The following ADCY2 variants were observed in gnomAD, a reference collection of about 807,000 sequenced individuals.
ADCY2 encodes adenylate cyclase type 2.
A neutral mutation model predicts 125.2 loss-of-function variants in ADCY2; 31 were observed. The observed-to-expected ratio is 0.25, with a 90% CI of 0.19 to 0.33. The LOEUF (loss-of-function observed/expected upper bound fraction) is 0.33, where lower values mean the gene tolerates loss of function less well. Ranked by LOEUF, ADCY2 falls within the 10% of genes least tolerant of loss-of-function variation. The pLI, the probability that ADCY2 is intolerant of heterozygous loss-of-function variation, is 1.00. For missense variants in ADCY2, 904 were observed against 1,418.2 expected, an observed-to-expected ratio of 0.64 and a Z score of 5.82; for synonymous variants, 512 against 548.4, an observed-to-expected ratio of 0.93 and a Z score of 0.93.
chr5:7,780,862 G>A (rs1471384861), intron 18 of ADCY2, among the ~76,000 whole-genome samples: 1 of 152,110 alleles, frequency 6.6e-6, no homozygotes, highest in Non-Finnish European at 1.5e-5. Context: ...TCCCTCACCA[G>A]TACGTTGGGG....
At chr5:7,420,327 A>T (rs964167008) in intron 2 of ADCY2, among the ~76,000 whole-genome samples, 1 of 152,104 alleles carries the variant, frequency 6.6e-6, no homozygotes, top group Non-Finnish European at 1.5e-5. Flanking sequence ...GGCACGACTG[A>T]AGAGTGATGT....
intron 3 of ADCY2, among the ~76,000 whole-genome samples, chr5:7,564,865 A>G (rs929791280): frequency 2.6e-5 from 4 of 152,204 alleles, no homozygotes; most frequent in African/African-American, 9.6e-5. Flanking sequence ...ATAACAGCCT[A>G]ATGGTATACA....
intron 4 of ADCY2, among the ~76,000 whole-genome samples, chr5:7,664,021 A>G (rs1194251668): frequency 6.6e-6 from 1 of 152,174 alleles, no homozygotes; most frequent in Non-Finnish European, 1.5e-5. Flanking sequence ...TACCCTTTCC[A>G]TTCCTTTGAG....
intron 2 of ADCY2, among the ~76,000 whole-genome samples, chr5:7,425,048 TG>T (rs1740338321): frequency 6.6e-6 from 1 of 152,132 alleles, no homozygotes; most frequent in South Asian, 2.1e-4. Flanking sequence ...GTGCCAGCCA[TG>T]GGTCCTGTGA....
At chr5:7,703,603 T>A (rs1741162520) in intron 7 of ADCY2, among the ~76,000 whole-genome samples, 1 of 152,204 alleles carries the variant, frequency 6.6e-6, no homozygotes, top group Non-Finnish European at 1.5e-5. Context: ...TTCGTACCAG[T>A]ACCATGCTGT....
At chr5:7,719,840 A>G (rs1579353583) in intron 12 of ADCY2, among the ~76,000 whole-genome samples, 1 of 152,292 alleles carries the variant, frequency 6.6e-6, no homozygotes, top group East Asian at 1.9e-4. Context: ...TGGGGGACAC[A>G]AACTTGCAGT....
chr5:7,686,835 G>A (rs1327575213), intron 4 of ADCY2, among the ~76,000 whole-genome samples: 2 of 152,186 alleles, frequency 1.3e-5, no homozygotes, highest in African/African-American at 4.8e-5. Flanking sequence ...TTTTCCTTCA[G>A]ATCAGAACAT....
At chr5:7,787,412 TGAATCACATTCATAAA>T (rs1300912114) in intron 19 of ADCY2, among the ~76,000 whole-genome samples, 1 of 152,246 alleles carries the variant, frequency 6.6e-6, no homozygotes, top group Non-Finnish European at 1.5e-5. Context: ...GATCTTTAAC[TGAATCACATTCATAAA>T]GACATTATTT....
intron 7 of ADCY2, among the ~76,000 whole-genome samples, chr5:7,702,224 T>TC (rs1293011371): frequency 7.6e-6 from 1 of 130,840 alleles, no homozygotes; most frequent in Non-Finnish European, 1.7e-5. Context: ...AAACCCTGTT[T>TC]CTTTTTTTTT....
chr5:7,766,815 A>G lies in ADCY2; in HGVS notation c.2214+9A>G, dbSNP rs781194742. On this transcript the variant is annotated intron_variant, in intron 17 of 24. Transcript: ENST00000338316. ...ATTTATTTTTCCTCCCGGTAAGAAC[A>G]TTGCAATTATGACTGCTTTGGTGGC... is the stretch of plus-strand genomic sequence containing the variant. The G allele has an allele frequency of 3.1e-6, 5 of 1,607,280 alleles. No individual in the cohort carries two copies. The Admixed American group carries it at 8.6e-5, about 28-fold the overall frequency.
chr5:7,408,231 C>A (rs1360738361), intron 1 of ADCY2, among the ~76,000 whole-genome samples: 1 of 151,288 alleles, frequency 6.6e-6, no homozygotes, highest in African/African-American at 2.4e-5. Flanking sequence ...AGGTAACAAG[C>A]AGCAAAACTG....
intron 20 of ADCY2, chr5:7,799,828 T>A (rs1311191559): frequency 6.6e-6 from 1 of 152,252 alleles, no homozygotes; most frequent in Non-Finnish European, 1.5e-5. Context: ...GGAAGTCCCA[T>A]TGGAGATTCT....
At chr5:7,422,752 T>C (rs747319506) in intron 2 of ADCY2, among the ~76,000 whole-genome samples, 61 of 152,240 alleles carry the variant, frequency 4.0e-4, no homozygotes, top group Non-Finnish European at 5.9e-5. Flanking sequence ...ACATTCAGCA[T>C]GTGCATATGT....
chr5:7,664,434 C>T (rs1031994227), intron 4 of ADCY2, among the ~76,000 whole-genome samples: 11 of 152,200 alleles, frequency 7.2e-5, no homozygotes, highest in Non-Finnish European at 1.5e-4. Flanking sequence ...GAGACACTCC[C>T]TGCTGGGGAG....
intron 2 of ADCY2, among the ~76,000 whole-genome samples, chr5:7,459,849 C>T (rs761188947): frequency 9.4e-5 from 12 of 127,776 alleles, no homozygotes; most frequent in Admixed American, 2.0e-4. Context: ...TGCAGTGGCG[C>T]GATCGCGGCT....
intron 24 of ADCY2, 86 bp downstream of exon 24, chr5:7,820,775 A>G (rs1442512088): frequency 2.9e-6 from 4 of 1,397,950 alleles, no homozygotes; most frequent in Non-Finnish European, 2.8e-6. Flanking sequence ...GGATACTAAT[A>G]TATTAAAACA....
chr5:7,773,922 A>T (rs1431517046), intron 18 of ADCY2, among the ~76,000 whole-genome samples: 2 of 152,258 alleles, frequency 1.3e-5, no homozygotes, highest in African/African-American at 4.8e-5. Context: ...TCTCAAAAGC[A>T]AAACAACATT....
intron 12 of ADCY2, among the ~76,000 whole-genome samples, chr5:7,720,230 A>G (rs1012096269): frequency 1.3e-5 from 2 of 152,106 alleles, no homozygotes; most frequent in Admixed American, 1.3e-4. Flanking sequence ...CCCAAGTAAT[A>G]GTTGACCTAA....
chr5:7,443,894 T>G (rs1220586053), intron 2 of ADCY2, among the ~76,000 whole-genome samples: 1 of 151,930 alleles, frequency 6.6e-6, no homozygotes, highest in Non-Finnish European at 1.5e-5. Context: ...TATATAGTTG[T>G]GTTGACTTTG....
Sources: allele counts gnomAD v4.1 joint callset (sites outside exome capture counted in the v4.1 genomes callset), GRCh38; gene constraint gnomAD v4.1.1; transcripts MANE v1.5; gene names NCBI Gene and HGNC (gene_info 2026-07-23, HGNC 2026-07-21).